SCN11A: variants seen among roughly 807,000 people sequenced by gnomAD.
SCN11A encodes the protein sodium channel protein type 11 subunit alpha.
A neutral mutation model predicts 162.2 loss-of-function variants in SCN11A; 122 were observed. That is an observed-to-expected ratio of 0.75 (90% CI 0.65 to 0.87). The LOEUF is 0.87. Among genes scored for constraint, SCN11A ranks in the 40% least tolerant of loss-of-function variants. SCN11A has a pLI of 0.00. For missense variants in SCN11A, 2,015 were observed against 2,181.6 expected (o/e 0.92, Z 1.52); for synonymous variants, 758 against 751.5 (o/e 1.01, Z -0.14).
Position 38,867,388 on chromosome 3 carries a change from C to G in SCN11A, c.3884G>C (p.Gly1295Ala). ...GAAGAGATTCAGAGTGAAGAATGAGCCAAAGATGATAAAGACTACGAAGTA... is the reference window on the plus strand; with the variant it reads ...GAAGAGATTCAGAGTGAAGAATGAGGCAAAGATGATAAAGACTACGAAGTA... The part of the protein sequence containing the change: ...YIYFVVFIIF[G>A]SFFTLNLFIG... The change falls in exon 27 of 30, where the codon GGC becomes GCC. Residue 1295 changes from glycine to alanine, a missense_variant. Physicochemically the swap from Gly to Ala is moderately conservative, Grantham distance 60 (BLOSUM62 0). Transcript: ENST00000302328. 6.2e-7 allele frequency: 1 copy of G among 1,612,570 alleles called. No homozygotes were observed. Among genetic ancestry groups the G allele is most frequent in the Non-Finnish European group, 8.5e-7 (1 of 1,178,768 alleles).
intron 2 of SCN11A, among the ~76,000 whole-genome samples, chr3:39,018,943 A>G (rs2031371498): frequency 6.6e-6 from 1 of 152,208 alleles, no homozygotes; most frequent in Non-Finnish European, 1.5e-5. Context: ...TTTTGCCTTT[A>G]GCCTTCAAGC....
Position 38,847,290 on chromosome 3 carries a change from T to C in SCN11A, c.4780A>G (p.Ile1594Val). The C allele has an allele frequency of 1.9e-6, 3 of 1,613,784 alleles. No homozygotes were observed. The highest frequency in any genetic ancestry group is 1.1e-5 in the South Asian group (1 of 91,074). Residue 1594 changes from isoleucine (I) to valine (V), a missense_variant, in exon 30 of 30, where the codon ATT becomes GTT. Physicochemically the swap from Ile to Val is conservative, Grantham distance 29 (BLOSUM62 3). Coordinates refer to ENST00000302328, the MANE Select transcript of SCN11A (RefSeq NM_001349253.2). ...FVSYIIISFL[I>V]VVNMYIAVIL... ...ACAGCAATGTACATGTTGACAACAA[T>C]GAGAAAGGAGATGATAATGTAACTG... is the stretch of plus-strand genomic sequence containing the variant.
intron 2 of SCN11A, among the ~76,000 whole-genome samples, chr3:38,993,093 C>G (rs1007964362): frequency 1.3e-5 from 2 of 152,196 alleles, no homozygotes; most frequent in Non-Finnish European, 2.9e-5. Context: ...GTGGTTCTCT[C>G]GAGGCATTCC....
At chr3:39,000,979 G>GT (rs1417625139) in intron 2 of SCN11A, among the ~76,000 whole-genome samples, 2 of 152,178 alleles carry the variant, frequency 1.3e-5, no homozygotes, top group Non-Finnish European at 2.9e-5. Context: ...AGAGGTTGCA[G>GT]TGAGCCATGA....
intron 11 of SCN11A, among the ~76,000 whole-genome samples, chr3:38,914,478 A>C (rs1041465582): frequency 6.6e-6 from 1 of 152,020 alleles, no homozygotes; most frequent in Non-Finnish European, 1.5e-5. Flanking sequence ...GATGCCCTTT[A>C]TTTCTTTTTC....
At chr3:38,926,516 CA>C (rs1383921718) in intron 8 of SCN11A, among the ~76,000 whole-genome samples, 38 of 150,492 alleles carry the variant, frequency 2.5e-4, no homozygotes, top group African/African-American at 8.8e-4. Flanking sequence ...TTCATTGGCA[CA>C]CCCCTGTATC....
intron 2 of SCN11A, among the ~76,000 whole-genome samples, chr3:38,978,317 T>A (rs989735025): frequency 4.6e-5 from 7 of 152,232 alleles, no homozygotes; most frequent in Non-Finnish European, 1.0e-4. Context: ...TATATTCTTT[T>A]TAAAATCTGT....
intron 2 of SCN11A, among the ~76,000 whole-genome samples, chr3:39,024,382 G>T (rs1039895662): frequency 3.9e-4 from 59 of 152,218 alleles, no homozygotes; most frequent in African/African-American, 1.3e-3. Flanking sequence ...CCTTTGGAAT[G>T]AGGTTAGGTC....
At chr3:38,909,297 C>A (rs907841377) in intron 12 of SCN11A, 103 bp from the exon 13 acceptor site, 1 of 1,048,980 alleles carries the variant, frequency 9.5e-7, no homozygotes, top group Non-Finnish European at 1.4e-6. Flanking sequence ...CTGGTCTTCC[C>A]CCAGCACTGG....
At chr3:38,987,301 T>TCACA (rs1371784796) in intron 2 of SCN11A, among the ~76,000 whole-genome samples, 208 of 113,544 alleles carry the variant, frequency 1.8e-3, no homozygotes, top group Admixed American at 1.2e-3. Flanking sequence ...TCTCTCTCTC[T>TCACA]CTCACACACA....
rs745884793 is a variant in SCN11A, at chr3:38,900,003, C to A, written c.1913G>T (p.Arg638Leu). ...GCTGTCAAAAATGTTCCAGCCTCGG[C>A]GAAAGTAGTGGTAGGGATCGAGCGC... Reference protein sequence around the residue: ...IIALDPYHYFRRGWNIFDSIV... With the variant: ...IIALDPYHYFLRGWNIFDSIV... Residue 638 changes from arginine (R) to leucine (L), a missense_variant, in exon 17 of 30, where the codon CGC becomes CTC. Coordinates refer to ENST00000302328, the MANE Select transcript of SCN11A (RefSeq NM_001349253.2). 6.2e-7 allele frequency: 1 copy of A among 1,613,990 alleles called. No homozygotes were observed. Among genetic ancestry groups the A allele is most frequent in the Non-Finnish European group, 8.5e-7 (1 of 1,179,968 alleles).
At chr3:38,918,150 C>T (rs972170061) in intron 11 of SCN11A, among the ~76,000 whole-genome samples, 2 of 152,052 alleles carry the variant, frequency 1.3e-5, no homozygotes, top group Non-Finnish European at 2.9e-5. Context: ...GGAAACAAGG[C>T]TGCTGCTTCT....
intron 2 of SCN11A, among the ~76,000 whole-genome samples, chr3:39,024,185 G>A (rs1243732725): frequency 2.6e-5 from 4 of 152,212 alleles, no homozygotes; most frequent in Non-Finnish European, 4.4e-5. Flanking sequence ...CAGGGACTCA[G>A]GGAAAATCGT....
intron 26 of SCN11A, 23 bp from the exon 27 acceptor site, chr3:38,867,481 G>C (rs1435042988): frequency 6.4e-7 from 1 of 1,572,118 alleles, no homozygotes; most frequent in East Asian, 2.2e-5. Context: ...TTTTTAATAA[G>C]AGAAAAAAAC....
intron 4 of SCN11A, among the ~76,000 whole-genome samples, chr3:38,952,980 G>C (rs1177165537): frequency 6.6e-6 from 1 of 152,304 alleles, no homozygotes; most frequent in African/African-American, 2.4e-5. Flanking sequence ...AGGGTAATGG[G>C]GAATTACTAA....
chr3:38,934,829 A>G (rs1002362212), intron 7 of SCN11A, among the ~76,000 whole-genome samples: 1 of 152,052 alleles, frequency 6.6e-6, no homozygotes, highest in Non-Finnish European at 1.5e-5. Context: ...CGAGACAGAA[A>G]GTTAACAAGG....
intron 2 of SCN11A, among the ~76,000 whole-genome samples, chr3:39,004,353 GCTCT>G (rs1491168723): frequency 6.6e-6 from 1 of 152,052 alleles, no homozygotes; most frequent in Non-Finnish European, 1.5e-5. Context: ...TTATTTCTGG[GCTCT>G]CTATTCTGTT....
intron 27 of SCN11A, among the ~76,000 whole-genome samples, chr3:38,867,036 T>C (rs1254830684): frequency 6.6e-6 from 1 of 152,250 alleles, no homozygotes; most frequent in African/African-American, 2.4e-5. Flanking sequence ...GTTGTTCTAT[T>C]AGGGTTCAGT....
intron 20 of SCN11A, 43 bp downstream of exon 20, chr3:38,886,082 G>A: frequency 7.9e-7 from 1 of 1,266,928 alleles, no homozygotes; most frequent in South Asian, 1.2e-5. Context: ...GAAGGTGTGT[G>A]GATGAGCCAC....
Sources: gnomAD v4.1 joint callset for allele counts (sites outside exome capture counted in the v4.1 genomes callset) on GRCh38, gnomAD v4.1.1 for gene constraint, MANE v1.5 for transcripts, NCBI Gene and HGNC (gene_info 2026-07-23, HGNC 2026-07-21) for gene names.